The following PRSS54 variants were observed in gnomAD, a reference collection of about 807,000 sequenced individuals.
PRSS54 encodes inactive serine protease 54.
Under a neutral mutation model 19.9 loss-of-function variants are expected in PRSS54, and 16 were observed. The ratio of observed to expected loss-of-function variants is 0.80; its 90% CI spans 0.54 to 1.22. The LOEUF (loss-of-function observed/expected upper bound fraction) is 1.22, where lower values mean the gene tolerates loss of function less well. Ranked by LOEUF, PRSS54 falls within the 50% of genes most tolerant of loss-of-function variation. The pLI is 0.00. For missense variants in PRSS54, 444 were observed against 494.8 expected (o/e 0.90, Z 0.97); for synonymous variants, 177 against 195.8 (o/e 0.90, Z 0.80).
chr16:58,290,054 A>G (rs1965003708), intron 4 of PRSS54, among the ~76,000 whole-genome samples: 1 of 146,320 alleles, frequency 6.8e-6, no homozygotes, highest in African/African-American at 2.6e-5. Flanking sequence ...TATGTTACAT[A>G]TGATATTGTA....
chr16:58,293,508 C>T lies in PRSS54; in HGVS notation c.85+224G>A, dbSNP rs76044279. 1,485 of 982,286 alleles carry T rather than the reference C, an allele frequency of 1.5e-3. 17 individuals carry two copies. The African/African-American group carries it at 0.023, about 16-fold the overall frequency. 60.8% of individuals were successfully genotyped at this position (982,286 alleles called of 1,614,324 possible). On this transcript the variant is annotated intron_variant, in intron 3 of 6. Coordinates refer to ENST00000567164, the MANE Select transcript of PRSS54 (RefSeq NM_001305173.2). ...GGGCCTTATTTTCCTAACCACACTC[C>T]CACCCTAAGGATTGGCCCTGACTTT... is the stretch of plus-strand genomic sequence containing the variant.
chr16:58,282,473 A>C (rs901441196), intron 6 of PRSS54: 1 of 152,346 alleles, frequency 6.6e-6, no homozygotes, highest in African/African-American at 2.4e-5. Context: ...TTTTCCAAGG[A>C]AGCCACACCA....
chr16:58,291,526 G>A (rs1229042721), intron 3 of PRSS54, among the ~76,000 whole-genome samples: 3 of 152,048 alleles, frequency 2.0e-5, no homozygotes, highest in African/African-American at 7.2e-5. Context: ...GTGTCACCCA[G>A]GCTAGAGTGC....
intron 5 of PRSS54, among the ~76,000 whole-genome samples, 190 bp downstream of exon 5, chr16:58,285,744 AAAG>A (rs1555513785): frequency 6.5e-5 from 5 of 77,350 alleles, no homozygotes; most frequent in Non-Finnish European, 9.2e-5. Flanking sequence ...AAAAAAAAAA[AAAG>A]AAGAAGAAGA....
chr16:58,285,744 A>AAAAAAAAAG lies in PRSS54; in HGVS notation c.522+192_522+193insCTTTTTTTT, dbSNP rs146167626. Among the ~76,000 whole-genome samples the AAAAAAAAAG allele has an allele frequency of 1.7e-3, 133 of 77,360 alleles. 1 individual carries two copies. The highest frequency in any genetic ancestry group is 9.1e-3 in the African/African-American group (127 of 13,982). The allele number at this position is 77,360 out of a possible 152,430, so 50.8% of individuals were successfully genotyped here. ...GTCTCAAAAAAAAAAAAAAAAAAAA[A>AAAAAAAAAG]AAGAAGAAGAAGAAGAAGAGTGGCT... On this transcript the variant is annotated intron_variant, in intron 5 of 6. Coordinates refer to ENST00000567164, the MANE Select transcript of PRSS54 (RefSeq NM_001305173.2).
intron 4 of PRSS54, among the ~76,000 whole-genome samples, chr16:58,289,408 G>T (rs1348572077): frequency 6.6e-6 from 1 of 152,058 alleles, no homozygotes; most frequent in Admixed American, 6.5e-5. Context: ...CAGACCTATA[G>T]GTATATAGAT....
At chr16:58,284,511 G>A in intron 6 of PRSS54, 79 bp downstream of exon 6, 1 of 1,538,224 alleles carries the variant, frequency 6.5e-7, no homozygotes. Flanking sequence ...CCCATCTAGG[G>A]AAGGGGAGTC....
Position 58,286,756 on chromosome 16 carries a change from A to T in PRSS54, c.264-561T>A, listed in dbSNP as rs544678287. On this transcript the variant is annotated intron_variant, in intron 4 of 6. Transcript: ENST00000567164. The stretch of plus-strand genomic sequence containing the variant: ...AATACAAACACCGTAAAACCAAGAG[A>T]CGCTAAAGAATCCAAATCTCAGAGT... Among the ~76,000 whole-genome samples, 8 of 152,310 alleles carry T rather than the reference A, an allele frequency of 5.3e-5. No homozygotes were observed. In the South Asian group the frequency reaches 1.7e-3, roughly 32 times the overall value.
At chr16:58,285,878 C>T (rs1441220966) in intron 5 of PRSS54, 59 bp downstream of exon 5, 39 of 1,591,196 alleles carry the variant, frequency 2.5e-5, no homozygotes, top group Non-Finnish European at 2.9e-5. Context: ...TTGGATTATC[C>T]AGGTCACCCC....
chr16:58,289,921 T>C (rs2142650367), intron 4 of PRSS54, among the ~76,000 whole-genome samples: 1 of 152,188 alleles, frequency 6.6e-6, no homozygotes, highest in South Asian at 2.1e-4. Flanking sequence ...TGTTAAACTA[T>C]TCACCAGCTG....
At chr16:58,288,110 A>T (rs1264887263) in intron 4 of PRSS54, among the ~76,000 whole-genome samples, 1 of 152,068 alleles carries the variant, frequency 6.6e-6, no homozygotes, top group Non-Finnish European at 1.5e-5. Context: ...AAAACAAAAA[A>T]CCCTAGCACC....
chr16:58,289,778 G>A (rs918946001), intron 4 of PRSS54, among the ~76,000 whole-genome samples: 1 of 151,884 alleles, frequency 6.6e-6, no homozygotes, highest in African/African-American at 2.4e-5. Context: ...TTGCCATGTT[G>A]ATCAGGCTGG....
chr16:58,293,633 C>A lies in PRSS54; in HGVS notation c.85+99G>T, dbSNP rs889188476. 10 of 1,538,154 alleles carry A rather than the reference C, an allele frequency of 6.5e-6. No homozygotes were observed. In the African/African-American group the frequency reaches 1.4e-4, roughly 21 times the overall value. ...AGTGCCGTGAGTCATCTTCCCTGAG[C>A]CCCTCCTTGGACATTAAGGACCACT... On this transcript the variant is annotated intron_variant, in intron 3 of 6. Transcript: ENST00000567164.
At chr16:58,282,217 G>A (rs1567512748) in intron 6 of PRSS54, 1 of 152,190 alleles carries the variant, frequency 6.6e-6, no homozygotes, top group African/African-American at 2.4e-5. Flanking sequence ...ATGTTGGCCA[G>A]GCTGGTCTCG....
intron 4 of PRSS54, among the ~76,000 whole-genome samples, chr16:58,290,365 G>C (rs2142651115): frequency 6.6e-6 from 1 of 152,172 alleles, no homozygotes; most frequent in South Asian, 2.1e-4. Flanking sequence ...GGGTCAAAGA[G>C]TGAGAAATAT....
intron 5 of PRSS54, among the ~76,000 whole-genome samples, chr16:58,284,939 G>A (rs550766567): frequency 2.6e-5 from 4 of 151,694 alleles, no homozygotes; most frequent in African/African-American, 7.3e-5. Context: ...CTCAGCTTCC[G>A]GAGTAGCTGG....
At chr16:58,285,881 G>A in intron 5 of PRSS54, 56 bp downstream of exon 5, 1 of 1,598,406 alleles carries the variant, frequency 6.3e-7, no homozygotes, top group South Asian at 1.1e-5. Flanking sequence ...GATTATCCAG[G>A]TCACCCCCAC....
At chr16:58,286,642 A>G (rs1391438527) in intron 4 of PRSS54, among the ~76,000 whole-genome samples, 1 of 152,214 alleles carries the variant, frequency 6.6e-6, no homozygotes, top group East Asian at 1.9e-4. Flanking sequence ...TTTTGGAGAA[A>G]TTGAAGTTCT....
At chr16:58,282,432 A>C (rs1322307534) in intron 6 of PRSS54, 1 of 152,270 alleles carries the variant, frequency 6.6e-6, no homozygotes, top group East Asian at 1.9e-4. Flanking sequence ...TACCATGCCC[A>C]GTGGGGTATT....
Sources: allele counts gnomAD v4.1 joint callset (sites outside exome capture counted in the v4.1 genomes callset), GRCh38; gene constraint gnomAD v4.1.1; transcripts MANE v1.5; gene names NCBI Gene and HGNC (gene_info 2026-07-23, HGNC 2026-07-21).